Variants in NBEA observed in about 807,000 individuals in gnomAD.
The protein encoded by NBEA is neurobeachin.
In NBEA, 44 loss-of-function variants were observed where a neutral mutation model predicts 343.4. The observed-to-expected ratio is 0.13, with a 90% CI of 0.10 to 0.16. NBEA has a LOEUF of 0.16. NBEA is among the 10% of genes least tolerant of loss of function. The pLI is 1.00. For missense variants in NBEA, 2,555 were observed against 3,631.3 expected (o/e 0.70, Z 7.62); for synonymous variants, 1,175 against 1,238.7 (o/e 0.95, Z 1.08).
intron 47 of NBEA, among the ~76,000 whole-genome samples, chr13:35,602,519 C>T (rs2769335): frequency 0.87 from 132,636 of 152,220 alleles, 58,694 homozygotes; most frequent in East Asian, 0.97. Flanking sequence ...GCTCTGCAAA[C>T]AAGCTGTGCT....
intron 8 of NBEA, among the ~76,000 whole-genome samples, chr13:35,065,426 A>G (rs2063615773): frequency 6.6e-6 from 1 of 151,594 alleles, no homozygotes; most frequent in Admixed American, 6.6e-5. Context: ...GTAGATATGT[A>G]TTGGTGTTGG....
chr13:35,137,286 T>G (rs2067792153), intron 17 of NBEA, among the ~76,000 whole-genome samples: 1 of 152,112 alleles, frequency 6.6e-6, no homozygotes, highest in South Asian at 2.1e-4. Flanking sequence ...CCGTCTCTAC[T>G]AAAAATACAA....
intron 55 of NBEA, among the ~76,000 whole-genome samples, chr13:35,661,732 A>G (rs76241258): frequency 0.061 from 9,342 of 152,276 alleles, 321 homozygotes; most frequent in South Asian, 0.1. Flanking sequence ...CATAGTAGTA[A>G]TGAAACTACC....
chr13:35,077,073 G>T (rs191637955), intron 10 of NBEA, among the ~76,000 whole-genome samples: 1 of 151,970 alleles, frequency 6.6e-6, no homozygotes, highest in Non-Finnish European at 1.5e-5. Context: ...CCATCCAGGG[G>T]TGAGATGTGA....
chr13:35,381,110 T>G (rs2152891994), intron 38 of NBEA, among the ~76,000 whole-genome samples: 1 of 152,300 alleles, frequency 6.6e-6, no homozygotes, highest in South Asian at 2.1e-4. Context: ...CAAAAGGTAA[T>G]TATTAAACTC....
intron 38 of NBEA, among the ~76,000 whole-genome samples, chr13:35,396,310 T>A (rs2042742430): frequency 6.6e-6 from 1 of 152,184 alleles, no homozygotes; most frequent in South Asian, 2.1e-4. Context: ...TAATATTTAT[T>A]TGTTTCTGTG....
intron 38 of NBEA, among the ~76,000 whole-genome samples, chr13:35,372,662 T>A (rs2041508299): frequency 6.6e-6 from 1 of 152,104 alleles, no homozygotes; most frequent in South Asian, 2.1e-4. Flanking sequence ...AGTGTGCACT[T>A]CAGCCCAGGT....
At chr13:35,450,197 G>C (rs1417996541) in intron 39 of NBEA, among the ~76,000 whole-genome samples, 1 of 152,138 alleles carries the variant, frequency 6.6e-6, no homozygotes. Context: ...GGTTGAGGCT[G>C]GGCACAGTGG....
intron 25 of NBEA, among the ~76,000 whole-genome samples, chr13:35,169,381 T>G (rs2070289576): frequency 6.6e-6 from 1 of 151,524 alleles, no homozygotes. Context: ...TTTTTTAAAT[T>G]ACTTTTATAT....
chr13:35,180,738 A>C (rs1441553740), intron 28 of NBEA, among the ~76,000 whole-genome samples: 2 of 151,776 alleles, frequency 1.3e-5, no homozygotes, highest in African/African-American at 4.8e-5. Context: ...TAAGTTCTTT[A>C]GTGGCGATTT....
intron 1 of NBEA, among the ~76,000 whole-genome samples, chr13:35,011,738 A>G (rs1291788943): frequency 6.6e-6 from 1 of 152,182 alleles, no homozygotes; most frequent in Non-Finnish European, 1.5e-5. Flanking sequence ...AGCTAAGTTT[A>G]GGTATGTATG....
At chr13:35,666,906 G>A (rs1286404170) in intron 56 of NBEA, among the ~76,000 whole-genome samples, 1 of 152,130 alleles carries the variant, frequency 6.6e-6, no homozygotes, top group Non-Finnish European at 1.5e-5. Flanking sequence ...TTATGCGTAT[G>A]GATGACAGAA....
At chr13:35,004,279 C>G (rs183769320) in intron 1 of NBEA, among the ~76,000 whole-genome samples, 1 of 152,046 alleles carries the variant, frequency 6.6e-6, no homozygotes, top group Non-Finnish European at 1.5e-5. Flanking sequence ...ATTTATATTC[C>G]TTGGGTGTAT....
intron 34 of NBEA, among the ~76,000 whole-genome samples, chr13:35,252,939 T>A (rs1238106953): frequency 6.6e-6 from 1 of 152,114 alleles, no homozygotes; most frequent in Non-Finnish European, 1.5e-5. Context: ...TCCTCTCTAC[T>A]CCCCACCTTG....
chr13:35,420,252 TA>T (rs1037570313), intron 38 of NBEA, among the ~76,000 whole-genome samples: 4 of 152,094 alleles, frequency 2.6e-5, no homozygotes, highest in African/African-American at 9.7e-5. Flanking sequence ...TAAAGTTAGC[TA>T]AAGTTTTTTG....
At chr13:35,252,164 A>G (rs569872806) in intron 34 of NBEA, among the ~76,000 whole-genome samples, 22 of 152,206 alleles carry the variant, frequency 1.4e-4, no homozygotes, top group Non-Finnish European at 2.2e-4. Context: ...GCCTCAGGAA[A>G]CTTAACAATC....
At chr13:35,277,229 T>A (rs2034650226) in intron 34 of NBEA, among the ~76,000 whole-genome samples, 1 of 152,090 alleles carries the variant, frequency 6.6e-6, no homozygotes, top group African/African-American at 2.4e-5. Context: ...CCAAGGTGGA[T>A]GACATGCAGA....
intron 43 of NBEA, among the ~76,000 whole-genome samples, chr13:35,553,700 C>A (rs1055095548): frequency 1.1e-4 from 16 of 152,046 alleles, no homozygotes; most frequent in African/African-American, 3.9e-4. Context: ...GTTAATAATC[C>A]ATGAGTAACA....
intron 45 of NBEA, among the ~76,000 whole-genome samples, chr13:35,583,325 C>T (rs560768709): frequency 4.4e-4 from 67 of 152,204 alleles, no homozygotes; most frequent in Admixed American, 1.4e-3. Flanking sequence ...CCAAGGAATC[C>T]GAATTTCCTG....
Sources: allele counts gnomAD v4.1 joint callset (sites outside exome capture counted in the v4.1 genomes callset), GRCh38; gene constraint gnomAD v4.1.1; transcripts MANE v1.5; gene names NCBI Gene and HGNC (gene_info 2026-07-23, HGNC 2026-07-21).